The following MEGF8 variants were observed in gnomAD, a reference collection of about 807,000 sequenced individuals.
MEGF8 encodes the protein multiple EGF like domains 8.
Under a neutral mutation model 302.9 loss-of-function variants are expected in MEGF8, and 156 were observed. The observed-to-expected ratio is 0.52, with a 90% CI of 0.45 to 0.59. The LOEUF (loss-of-function observed/expected upper bound fraction) is 0.59, where lower values mean the gene tolerates loss of function less well. Ranked by LOEUF, MEGF8 falls within the 20% of genes least tolerant of loss-of-function variation. MEGF8 has a pLI of 0.00. For missense variants in MEGF8, 3,345 were observed against 3,964.5 expected (o/e 0.84, Z 4.20); for synonymous variants, 1,621 against 1,660.5 (o/e 0.98, Z 0.58).
rs1229950317 is a variant in MEGF8 at position 42,344,637 on chromosome 19, T to C, written c.1934-33T>C. ...AGGAGGGGGCCAGAGCACTCCACAC[T>C]GACCCACCGGCCCCCACCCCCTGTC... On this transcript the variant is annotated intron_variant, in intron 11 of 41. Transcript: ENST00000251268. The surrounding 1 kb of genome is among the most constrained non-coding windows in gnomAD (Gnocchi z 4.5). 5 of 1,565,382 alleles carry C rather than the reference T, an allele frequency of 3.2e-6. No individual in the cohort carries two copies. Among genetic ancestry groups the C allele is most frequent in the Non-Finnish European group, 4.3e-6 (5 of 1,152,306 alleles).
intron 31 of MEGF8, 86 bp from the exon 32 acceptor site, chr19:42,360,689 C>A: frequency 6.5e-7 from 1 of 1,530,592 alleles, no homozygotes; most frequent in South Asian, 1.2e-5. Context: ...TCTTTCCCTG[C>A]ATCCTTCTCT....
chr19:42,333,499 C>T (rs1426148030), intron 1 of MEGF8, 106 bp from the exon 2 acceptor site: 5 of 1,283,596 alleles, frequency 3.9e-6, no homozygotes, highest in Non-Finnish European at 5.4e-6. Context: ...TCTTGAGCCC[C>T]CAGCATCACC....
chr19:42,368,456 G>A lies in MEGF8; in HGVS notation c.6275G>A (p.Cys2092Tyr). The change falls in exon 36 of 42, where the codon TGT becomes TAT. Residue 2092 changes from cysteine (C) to tyrosine (Y), a missense_variant and splice_region_variant. Cys to Tyr is a radical substitution (Grantham distance 194). Coordinates refer to ENST00000251268, the MANE Select transcript of MEGF8 (RefSeq NM_001271938.2). The surrounding 1 kb of genome is among the most constrained non-coding windows in gnomAD (Gnocchi z 4.9). ...CCCCATCCCCTCCCCCCCATACAGT[G>A]TCTGAGCCCTTCCTACCTGCCCCTG... Reference protein sequence around the residue: ...HCVWSSSLQQCLSPSYLPLRC... With the variant: ...HCVWSSSLQQYLSPSYLPLRC... The A allele has an allele frequency of 6.2e-7, 1 of 1,604,484 alleles. No homozygotes were observed. Among genetic ancestry groups the A allele is most frequent in the Non-Finnish European group, 8.5e-7 (1 of 1,176,098 alleles).
Position 42,352,444 on chromosome 19 carries a change from A to G in MEGF8, c.3338A>G (p.His1113Arg), listed in dbSNP as rs759589147. The G allele has an allele frequency of 3.1e-6, 5 of 1,594,914 alleles. No homozygotes were observed. Among genetic ancestry groups the G allele is most frequent in the Non-Finnish European group, 4.3e-6 (5 of 1,169,700 alleles). ...QRGYQGDGIS[H>R]CNRTCLEDCG... ...GGCTACCAGGGTGATGGCATCTCACACTGCAACCGCACGTGAGTGAGGCGG... is the reference window on the plus strand; with the variant it reads ...GGCTACCAGGGTGATGGCATCTCACGCTGCAACCGCACGTGAGTGAGGCGG... The change falls in exon 19 of 42, where the codon CAC (histidine) becomes CGC (arginine). Residue 1113 changes from histidine (H) to arginine (R), a missense_variant. Coordinates refer to ENST00000251268, the MANE Select transcript of MEGF8 (RefSeq NM_001271938.2). This position sits in a 1 kb window ranked among gnomAD's most constrained non-coding sequence, Gnocchi z 4.4.
rs1237375074 is a variant in MEGF8 at position 42,354,731 on chromosome 19, TA to T, written c.4144+12del. 7 of 1,592,802 alleles carry T rather than the reference TA, an allele frequency of 4.4e-6. No homozygotes were observed. The Middle Eastern group carries it at 5.0e-4, about 113-fold the overall frequency. On this transcript the variant is annotated intron_variant, in intron 23 of 41. Coordinates refer to ENST00000251268, the MANE Select transcript of MEGF8 (RefSeq NM_001271938.2). The surrounding 1 kb of genome is among the most constrained non-coding windows in gnomAD (Gnocchi z 4.3). ...TTCAGGCCCTGTCTGGTACGGGGGC[TA>T]GGGGAAGTGGGACCTCTTAGTCCTG...
At chr19:42,371,887 A>G (rs1489852026) in intron 41 of MEGF8, among the ~76,000 whole-genome samples, 1 of 152,104 alleles carries the variant, frequency 6.6e-6, no homozygotes, top group Non-Finnish European at 1.5e-5. Flanking sequence ...GTTCAAGACC[A>G]GCCTGGGCCA....
intron 8 of MEGF8, among the ~76,000 whole-genome samples, chr19:42,337,538 C>T (rs1360783014): frequency 5.6e-5 from 8 of 141,858 alleles, no homozygotes; most frequent in South Asian, 2.2e-4. Flanking sequence ...GACGGAGTCT[C>T]GCTGTTGCCC....
chr19:42,366,274 C>T (rs932770481), intron 35 of MEGF8, among the ~76,000 whole-genome samples: 1 of 152,116 alleles, frequency 6.6e-6, no homozygotes, highest in Non-Finnish European at 1.5e-5. Context: ...GATCTCGGCT[C>T]ACTGCAGTCT....
At chr19:42,350,472 T>G in intron 15 of MEGF8, 88 bp downstream of exon 15, 1 of 1,239,980 alleles carries the variant, frequency 8.1e-7, no homozygotes, top group South Asian at 1.6e-5. Context: ...GTGGGGGGTG[T>G]GGGGGAAACA....
chr19:42,362,812 A>G (rs1326646250), intron 34 of MEGF8, among the ~76,000 whole-genome samples: 77 of 11,566 alleles, frequency 6.7e-3, no homozygotes, highest in Admixed American at 8.5e-3. Flanking sequence ...GAGGGAGGAG[A>G]GGCTGGGGCC....
intron 13 of MEGF8, among the ~76,000 whole-genome samples, chr19:42,348,844 C>G (rs989956621): frequency 2.0e-5 from 3 of 152,184 alleles, no homozygotes; most frequent in African/African-American, 7.2e-5. Flanking sequence ...TCAGATGATC[C>G]GCCACCTTGG....
In MEGF8 at chr19:42,358,985, G is replaced by A. The variant is rs770802104; in HGVS notation, c.5343+31G>A. 12 of 1,597,346 alleles carry A rather than the reference G, an allele frequency of 7.5e-6. No homozygotes were observed. Among genetic ancestry groups the A allele is most frequent in the Admixed American group, 1.8e-5 (1 of 56,918 alleles). On this transcript the variant is annotated intron_variant, in intron 30 of 41. Transcript: ENST00000251268. This position sits in a 1 kb window ranked among gnomAD's most constrained non-coding sequence, Gnocchi z 4.4. Reference sequence around the variant, plus strand: ...ATTTGAAGAGGGTTAGGATTGGGTGGGCTGGTAGGGGGGGATAGGTAGGGA... The same window carrying A: ...ATTTGAAGAGGGTTAGGATTGGGTGAGCTGGTAGGGGGGGATAGGTAGGGA...
chr19:42,334,148 G>C lies in MEGF8; in HGVS notation c.493G>C (p.Gly165Arg). Residue 165 changes from glycine (G) to arginine (R), a missense_variant, in exon 3 of 42, where the codon GGG becomes CGG. Transcript: ENST00000251268. The stretch of plus-strand genomic sequence containing the variant: ...TGTGTGTGCCTGCGAGCCGGGCTGG[G>C]GGGGTCCTGACTGTGGCCTGCAGGA... Reference protein sequence around the residue: ...PGVCACEPGWGGPDCGLQECS... With the variant: ...PGVCACEPGWRGPDCGLQECS... 1.9e-6 allele frequency: 3 copies of C among 1,611,718 alleles called. No individual in the cohort carries two copies. The highest frequency in any genetic ancestry group is 2.5e-6 in the Non-Finnish European group (3 of 1,179,682).
At chr19:42,341,660 G>A (rs1007985552) in intron 8 of MEGF8, among the ~76,000 whole-genome samples, 3 of 152,044 alleles carry the variant, frequency 2.0e-5, no homozygotes, top group Admixed American at 6.6e-5. Context: ...GTCCAGGCTA[G>A]TGTTGAACTC....
Position 42,356,965 on chromosome 19 carries a change from A to AGGTGGCAGC in MEGF8, c.4814_4815insGGTGGCAGC (p.Gln1605_Trp1606insValAlaAla). The AGGTGGCAGC allele has an allele frequency of 6.2e-7, 1 of 1,604,738 alleles. No homozygotes were observed. The highest frequency in any genetic ancestry group is 8.5e-7 in the Non-Finnish European group (1 of 1,176,028). On this transcript the variant is annotated inframe_insertion, in exon 27 of 42. Transcript: ENST00000251268. This position sits in a 1 kb window ranked among gnomAD's most constrained non-coding sequence, Gnocchi z 5.2. ...TGGGTCCTCAACCTCACCACCCTGC[A>AGGTGGCAGC]ATGGCGGCAGGAGAAGGTGAGCATC...
At position 42,376,910 on chromosome 19, in the gene MEGF8, A is replaced by T; in HGVS notation, c.*135A>T. The stretch of plus-strand genomic sequence containing the variant: ...GCCCCCTTCCCCCAGGGTTGCCCAG[A>T]TGGGGCCTCCTTTGTTCTGCATTCA... On this transcript the variant is annotated 3_prime_UTR_variant, in exon 42 of 42. Transcript: ENST00000251268. This position sits in a 1 kb window ranked among gnomAD's most constrained non-coding sequence, Gnocchi z 8.2. 1.1e-6 allele frequency: 1 copy of T among 940,526 alleles called. No individual in the cohort carries two copies. Among genetic ancestry groups the T allele is most frequent in the Non-Finnish European group, 1.5e-6 (1 of 684,672 alleles). 58.3% of individuals were successfully genotyped at this position (940,526 alleles called of 1,614,324 possible). A position where few individuals can be genotyped will look rare whatever the true frequency, so the allele number is the denominator to read the frequency against.
chr19:42,357,520 G>A lies in MEGF8; in HGVS notation c.4947G>A (p.Leu1649=). 2 of 1,613,684 alleles carry A rather than the reference G, an allele frequency of 1.2e-6. No homozygotes were observed. The highest frequency in any genetic ancestry group is 1.7e-6 in the Non-Finnish European group (2 of 1,179,808). The change falls in exon 28 of 42, where the codon CTG becomes CTA. Residue 1649 remains leucine, a synonymous_variant. Coordinates refer to ENST00000251268, the MANE Select transcript of MEGF8 (RefSeq NM_001271938.2). This position sits in a 1 kb window ranked among gnomAD's most constrained non-coding sequence, Gnocchi z 5.2. ...YSPENGFNQQ[L]LEYQLATGTW... ...CGGAAAATGGCTTCAACCAGCAGCT[G>A]CTGGAGTACCAGCTGGCAACCGGCA...
chr19:42,331,405 A>G (rs1041194554), intron 1 of MEGF8, among the ~76,000 whole-genome samples: 6 of 152,040 alleles, frequency 3.9e-5, no homozygotes, highest in African/African-American at 1.4e-4. Flanking sequence ...AGGCCTCCTA[A>G]TTTCCCTCAC....
intron 8 of MEGF8, among the ~76,000 whole-genome samples, chr19:42,338,505 G>T (rs1205604995): frequency 6.6e-6 from 1 of 152,062 alleles, no homozygotes; most frequent in Non-Finnish European, 1.5e-5. Context: ...GCCTCCCAAA[G>T]TGCTGCGATT....
Sources: allele counts gnomAD v4.1 joint callset (sites outside exome capture counted in the v4.1 genomes callset), GRCh38; gene constraint gnomAD v4.1.1; non-coding constraint Gnocchi (gnomAD v3.1); transcripts MANE v1.5; gene names NCBI Gene and HGNC (gene_info 2026-07-23, HGNC 2026-07-21).